Variants in SIAE observed in about 807,000 individuals in gnomAD.
The protein encoded by SIAE is sialic acid acetylesterase, also known as sialate O-acetylesterase.
Under a neutral mutation model 52.6 loss-of-function variants are expected in SIAE, and 39 were observed. The observed-to-expected ratio is 0.74, with a 90% confidence interval of 0.57 to 0.97. The LOEUF is 0.97. Among genes scored for constraint, SIAE ranks in the 50% least tolerant of loss-of-function variants. The probability of loss-of-function intolerance (pLI) is 0.00; values close to 1 mark genes in which losing one functional copy is unlikely to be tolerated. For missense variants in SIAE, 592 were observed against 662.1 expected (o/e 0.89, Z 1.16); for synonymous variants, 233 against 241.4 (o/e 0.97, Z 0.32).
rs1443883325 is a variant in SIAE, at chr11:124,669,374, A to T, written c.215T>A (p.Val72Glu). 6.2e-7 allele frequency: 1 copy of T among 1,614,136 alleles called. No individual in the cohort carries two copies. Among genetic ancestry groups the T allele is most frequent in the South Asian group, 1.1e-5 (1 of 91,076 alleles). Reference protein sequence around the residue: ...RQGQETIMKKVTSVKAHSDTW... With the variant: ...RQGQETIMKKETSVKAHSDTW... ...GGCTGCCTTACCTTTCACACTGGTCACTTTCTTCATGATGGTTTCCTGACC... is the reference window on the plus strand; with the variant it reads ...GGCTGCCTTACCTTTCACACTGGTCTCTTTCTTCATGATGGTTTCCTGACC... Residue 72 changes from valine to glutamate, a missense_variant, in exon 2 of 10, where the codon GTG (valine) becomes GAG (glutamate). Coordinates refer to ENST00000263593, the MANE Select transcript of SIAE (RefSeq NM_170601.5).
intron 2 of SIAE, among the ~76,000 whole-genome samples, chr11:124,662,291 T>C (rs1164422216): frequency 6.6e-6 from 1 of 152,196 alleles, no homozygotes; most frequent in African/African-American, 2.4e-5. Context: ...ATGTGTTCCA[T>C]GTGGCTCACA....
At chr11:124,662,175 T>C (rs1943194972) in intron 2 of SIAE, among the ~76,000 whole-genome samples, 1 of 152,220 alleles carries the variant, frequency 6.6e-6, no homozygotes, top group Non-Finnish European at 1.5e-5. Context: ...TTTTATACCA[T>C]CAGTAGCCAC....
rs1942726976 is a variant in SIAE, at chr11:124,635,934, ATCATC to A, written c.*1012_*1016del. 1 of 151,974 alleles carries A rather than the reference ATCATC, an allele frequency of 6.6e-6. No individual in the cohort carries two copies. The highest frequency in any genetic ancestry group is 1.5e-5 in the Non-Finnish European group (1 of 68,010). 9.4% of individuals were successfully genotyped at this position (151,974 alleles called of 1,614,324 possible). ...CACTGAAGGCCTCTTTCATATTTGTATCATCTGCATTTTTTTTTATATGCTTGTCA... is the reference window on the plus strand; with the variant it reads ...CACTGAAGGCCTCTTTCATATTTGTATGCATTTTTTTTTATATGCTTGTCA... On this transcript the variant is annotated 3_prime_UTR_variant, in exon 10 of 10. Coordinates refer to ENST00000263593, the MANE Select transcript of SIAE (RefSeq NM_170601.5).
chr11:124,660,124 T>C (rs1943164737), intron 3 of SIAE: 1 of 203,442 alleles, frequency 4.9e-6, no homozygotes, highest in African/African-American at 2.4e-5. Flanking sequence ...ACCCCGTCTG[T>C]ACTAAAAATA....
At chr11:124,654,899 G>T in intron 3 of SIAE, 106 bp from the exon 4 acceptor site, 1 of 1,355,842 alleles carries the variant, frequency 7.4e-7, no homozygotes, top group Non-Finnish European at 1.0e-6. Flanking sequence ...AATATACTGA[G>T]ATCAAATTAA....
At chr11:124,649,123 T>C (rs1344831365) in intron 5 of SIAE, among the ~76,000 whole-genome samples, 1 of 152,200 alleles carries the variant, frequency 6.6e-6, no homozygotes, top group African/African-American at 2.4e-5. Flanking sequence ...TTATAACATT[T>C]GTTCTTCCTG....
At chr11:124,658,101 C>T (rs1252390437) in intron 3 of SIAE, among the ~76,000 whole-genome samples, 1 of 152,186 alleles carries the variant, frequency 6.6e-6, no homozygotes, top group Admixed American at 6.5e-5. Context: ...ATCAAAGCAG[C>T]TGCTCACTGG....
At chr11:124,674,597 C>G (rs968374747), upstream of SIAE, 5 of 152,310 alleles carry the variant, frequency 3.3e-5, no homozygotes, top group African/African-American at 1.2e-4. Flanking sequence ...ACAACCTGAT[C>G]AAGAAGAAAC....
intron 7 of SIAE, among the ~76,000 whole-genome samples, chr11:124,643,221 C>T (rs1039863417): frequency 1.5e-4 from 23 of 152,102 alleles, no homozygotes; most frequent in African/African-American, 4.1e-4. Context: ...GTATGCCTAG[C>T]GTGCTTAAAG....
chr11:124,675,119 A>AG (rs568196512), upstream of SIAE: 603 of 1,006,650 alleles, frequency 6.0e-4, 4 homozygotes, highest in Middle Eastern at 7.2e-3. Flanking sequence ...GGGTTGTGTT[A>AG]GGGAAAAAAG....
Position 124,654,772 on chromosome 11 carries a change from A to G in SIAE, c.427T>C (p.Leu143=), listed in dbSNP as rs201552273. 85 of 1,613,572 alleles carry G rather than the reference A, an allele frequency of 5.3e-5. 1 individual carries two copies. Among genetic ancestry groups the G allele is most frequent in the African/African-American group, 2.7e-5 (2 of 74,764 alleles). Residue 143 remains leucine (L), a synonymous_variant, in exon 4 of 10, where the codon TTG becomes CTG. Transcript: ENST00000263593. ...GACTGATATGCCGCAGTGTTAGACA[A>G]CTCCCTTGTAGCATTAAATATCTGG... The part of the protein sequence containing the change: ...VLQIFNATRE[L]SNTAAYQSVR...
At chr11:124,654,167 G>T (rs1459109335) in intron 4 of SIAE, 12 of 949,058 alleles carry the variant, frequency 1.3e-5, no homozygotes, top group Non-Finnish European at 1.5e-5. Context: ...GACAGACTGA[G>T]ACTCCGTCTC....
At position 124,639,981 on chromosome 11, in the gene SIAE, C is replaced by T. The variant is rs146590637; in HGVS notation, c.967-114G>A. On this transcript the variant is annotated intron_variant, in intron 7 of 9. Coordinates refer to ENST00000263593, the MANE Select transcript of SIAE (RefSeq NM_170601.5). ...ATTGCATTTAAATGCTCATTCAACA[C>T]GTATTTACTGAGCTTCTTACTGTTG... 127 of 1,222,880 alleles carry T rather than the reference C, an allele frequency of 1.0e-4. No individual in the cohort carries two copies. The African/African-American group carries it at 1.4e-3, about 13-fold the overall frequency. The allele number at this position is 1,222,880 out of a possible 1,614,324, so 75.8% of individuals were successfully genotyped here. A position where few individuals can be genotyped will look rare whatever the true frequency, so the allele number is the denominator to read the frequency against.
Position 124,638,708 on chromosome 11 carries a change from G to A in SIAE, c.1154C>T (p.Ala385Val), listed in dbSNP as rs1180755426. 1.2e-6 allele frequency: 2 copies of A among 1,613,998 alleles called. No homozygotes were observed. Among genetic ancestry groups the A allele is most frequent in the South Asian group, 1.1e-5 (1 of 91,080 alleles). Residue 385 changes from alanine (A) to valine (V), a missense_variant, in exon 9 of 10, where the codon GCT becomes GTT. Ala to Val is a moderately conservative substitution (Grantham distance 64). Coordinates refer to ENST00000263593, the MANE Select transcript of SIAE (RefSeq NM_170601.5). ...SIHPRDKQTV[A>V]YRLHLGARAL... ...ACGGGCCCCCAAATGCAGCCGATAA[G>A]CCACAGTCTGTTTATCTCGAGGGTG...
At chr11:124,659,830 G>C (rs1943160021) in intron 3 of SIAE, 1 of 151,702 alleles carries the variant, frequency 6.6e-6, no homozygotes, top group African/African-American at 2.4e-5. Context: ...ACTACAAAAA[G>C]AAAAAAATAG....
intron 1 of SIAE, among the ~76,000 whole-genome samples, chr11:124,672,571 C>T (rs112924531): frequency 7.0e-4 from 107 of 152,136 alleles, no homozygotes; most frequent in African/African-American, 2.4e-3. Context: ...AACAATAAGA[C>T]CCAAAGGAGG....
At position 124,671,920 on chromosome 11, in the gene SIAE, C is replaced by T. The variant is rs184298904; in HGVS notation, c.67+1722G>A. On this transcript the variant is annotated intron_variant, in intron 1 of 9. Transcript: ENST00000263593. Reference sequence around the variant, plus strand: ...GAGATTACAGGCATGTGCCACCACACCTGGCTAATTCTTTTTTTTTTTTTT... The same window carrying T: ...GAGATTACAGGCATGTGCCACCACATCTGGCTAATTCTTTTTTTTTTTTTT... 1.4e-3 allele frequency among the ~76,000 whole-genome samples: 212 copies of T among 149,820 alleles called. 3 individuals carry two copies. The East Asian group carries it at 0.026, about 18-fold the overall frequency.
chr11:124,635,911 C>G lies in SIAE; in HGVS notation c.*1040G>C, dbSNP rs1942725923. ...CATTAAGATTCTTAATAAACAAACA[C>G]TGAAGGCCTCTTTCATATTTGTATC... On this transcript the variant is annotated 3_prime_UTR_variant, in exon 10 of 10. Coordinates refer to ENST00000263593, the MANE Select transcript of SIAE (RefSeq NM_170601.5). 6.6e-6 allele frequency: 1 copy of G among 152,176 alleles called. No individual in the cohort carries two copies. Among genetic ancestry groups the G allele is most frequent in the Admixed American group, 6.5e-5 (1 of 15,278 alleles). 9.4% of individuals were successfully genotyped at this position (152,176 alleles called of 1,614,324 possible).
chr11:124,637,207 TAA>T lies in SIAE; in HGVS notation c.1321-7_1321-6del. 1 of 1,614,094 alleles carries T rather than the reference TAA, an allele frequency of 6.2e-7. No homozygotes were observed. The highest frequency in any genetic ancestry group is 8.5e-7 in the Non-Finnish European group (1 of 1,180,032). On this transcript the variant is annotated splice_polypyrimidine_tract_variant and splice_region_variant and intron_variant, in intron 9 of 9. Transcript: ENST00000263593. ...ATGGTCACTGCAACAGGAGATCTAA[TAA>T]GAGAGCCATAAAATAGGAATGATTA...
Sources: allele counts gnomAD v4.1 joint callset (sites outside exome capture counted in the v4.1 genomes callset), GRCh38; gene constraint gnomAD v4.1.1; transcripts MANE v1.5; gene names NCBI Gene and HGNC (gene_info 2026-07-23, HGNC 2026-07-21).